The following CEP63 variants were observed in gnomAD, a reference collection of about 807,000 sequenced individuals.
The protein encoded by CEP63 is centrosomal protein of 63 kDa.
CEP63 carries 84 observed loss-of-function variants against 89.1 expected under a neutral mutation model. The observed-to-expected ratio is 0.94, with a 90% CI of 0.79 to 1.13. CEP63 has a LOEUF of 1.13. Among genes scored for constraint, CEP63 ranks in the 50% most tolerant of loss-of-function variants. The probability of loss-of-function intolerance (pLI) is 0.00; values close to 1 mark genes in which losing one functional copy is unlikely to be tolerated. For missense variants in CEP63, 838 were observed against 813.3 expected (o/e 1.03, Z -0.37); for synonymous variants, 267 against 272.5 (o/e 0.98, Z 0.20).
Position 134,547,390 on chromosome 3 carries a change from T to C in CEP63, c.985T>C (p.Leu329=). The change falls in exon 9 of 15, where the codon TTA becomes CTA. Residue 329 remains leucine, a synonymous_variant. Transcript: ENST00000675561. ...GTACACCTCTCAAGGGCAGGGGGAC[T>C]TAGACAGTGTGCTCTCCCAGTTGAA... ...KKYTSQGQGD[L]DSVLSQLNFT... The C allele has an allele frequency of 5.0e-6, 8 of 1,613,742 alleles. No homozygotes were observed. The highest frequency in any genetic ancestry group is 6.8e-6 in the Non-Finnish European group (8 of 1,179,696).
At chr3:134,688,986 G>C in the CEP63 span, among the ~76,000 whole-genome samples, 1 of 152,174 alleles carries the variant, frequency 6.6e-6, no homozygotes, top group African/African-American at 2.4e-5. Flanking sequence ...GATGAGCATT[G>C]AGCCATTGAT....
At chr3:134,526,541 A>C (rs550123403) in intron 3 of CEP63, among the ~76,000 whole-genome samples, 2 of 152,208 alleles carry the variant, frequency 1.3e-5, no homozygotes, top group African/African-American at 4.8e-5. Flanking sequence ...ACTGGGTTTC[A>C]GTATACTCCT....
the CEP63 span, among the ~76,000 whole-genome samples, chr3:134,696,986 G>A: frequency 6.6e-6 from 1 of 152,180 alleles, no homozygotes; most frequent in Non-Finnish European, 1.5e-5. Flanking sequence ...AACTATGAAC[G>A]TTGTTAAGTT....
At position 134,550,204 on chromosome 3, in the gene CEP63, G is replaced by A; in HGVS notation, c.1324G>A (p.Glu442Lys). ...ASTKGSSSDMEKRLRAEMQKA... is the reference protein window; with the variant it reads ...ASTKGSSSDMKKRLRAEMQKA... ...CACCAAAGGTTCTTCCTCAGACATGGAAAAGCGACTCAGAGCAGAGATGCA... is the reference window on the plus strand; with the variant it reads ...CACCAAAGGTTCTTCCTCAGACATGAAAAAGCGACTCAGAGCAGAGATGCA... The change falls in exon 11 of 15, where the codon GAA (glutamate) becomes AAA (lysine). Residue 442 changes from glutamate (E) to lysine (K), a missense_variant. Physicochemically the swap from Glu to Lys is moderately conservative, Grantham distance 56 (BLOSUM62 1). Transcript: ENST00000675561. The A allele has an allele frequency of 6.2e-7, 1 of 1,604,812 alleles. No homozygotes were observed. The highest frequency in any genetic ancestry group is 8.5e-7 in the Non-Finnish European group (1 of 1,175,174).
chr3:134,574,805 A>G, exon 12 of CEP63: 2 of 610,510 alleles, frequency 3.3e-6, no homozygotes, highest in Non-Finnish European at 6.0e-6. Flanking sequence ...ATGGGGTTTT[A>G]CCATGTTGTC....
intron 11 of CEP63, among the ~76,000 whole-genome samples, chr3:134,550,686 A>G (rs967455994): frequency 6.6e-6 from 1 of 152,196 alleles, no homozygotes; most frequent in African/African-American, 2.4e-5. Flanking sequence ...AGTGGAAGGT[A>G]TGAGACTGGA....
the CEP63 span, among the ~76,000 whole-genome samples, chr3:134,754,582 A>C: frequency 6.6e-6 from 1 of 152,132 alleles, no homozygotes; most frequent in African/African-American, 2.4e-5. Context: ...CTTCTCCAAG[A>C]GGTGCCTCAG....
chr3:134,619,079 C>T, the CEP63 span: 1 of 1,305,448 alleles, frequency 7.7e-7, no homozygotes, highest in Non-Finnish European at 1.1e-6. Context: ...TGGGCAAAGG[C>T]ACATGGCACT....
the CEP63 span, among the ~76,000 whole-genome samples, chr3:134,720,614 G>C: frequency 6.6e-6 from 1 of 152,020 alleles, no homozygotes; most frequent in South Asian, 2.1e-4. Flanking sequence ...TGATTTAAGT[G>C]ATCCATTTGA....
At chr3:134,613,032 T>C in the CEP63 span, 151,544 of 154,470 alleles carry the variant, frequency 0.98, 74,395 homozygotes, top group East Asian at 1. Context: ...CTGCCTAGAA[T>C]GTCTGTGCAT....
At chr3:134,512,522 C>T (rs926064739) in intron 3 of CEP63, among the ~76,000 whole-genome samples, 10 of 152,056 alleles carry the variant, frequency 6.6e-5, no homozygotes, top group Admixed American at 2.6e-4. Flanking sequence ...ATACTTGTCA[C>T]AGTAAATAAA....
At chr3:134,520,995 T>C (rs1029921494) in intron 3 of CEP63, among the ~76,000 whole-genome samples, 3 of 152,060 alleles carry the variant, frequency 2.0e-5, no homozygotes, top group African/African-American at 7.2e-5. Flanking sequence ...TGATAAAAGG[T>C]TACTAATTTA....
intron 3 of CEP63, among the ~76,000 whole-genome samples, chr3:134,529,281 A>G (rs1949365484): frequency 1.3e-5 from 2 of 152,070 alleles, no homozygotes; most frequent in South Asian, 4.1e-4. Context: ...GTTTATTTAT[A>G]AACATACAGA....
chr3:134,713,350 C>T, the CEP63 span, among the ~76,000 whole-genome samples: 2 of 152,054 alleles, frequency 1.3e-5, no homozygotes, highest in Admixed American at 6.5e-5. Context: ...CACCCAGTTC[C>T]AGCCAATGAC....
At chr3:134,614,186 A>C in the CEP63 span, among the ~76,000 whole-genome samples, 7 of 152,136 alleles carry the variant, frequency 4.6e-5, no homozygotes, top group Non-Finnish European at 5.9e-5. Context: ...TGCAGGCAGG[A>C]GCTGAGAGAG....
At chr3:134,762,963 A>G in the CEP63 span, among the ~76,000 whole-genome samples, 4 of 152,216 alleles carry the variant, frequency 2.6e-5, no homozygotes, top group Non-Finnish European at 5.9e-5. Flanking sequence ...AAAGCTCATC[A>G]TTCAACTTCT....
the CEP63 span, among the ~76,000 whole-genome samples, chr3:134,756,813 G>A: frequency 2.6e-5 from 4 of 152,200 alleles, no homozygotes. Context: ...CTGAAGAAGA[G>A]GAGACTCCAG....
chr3:134,720,998 G>A, the CEP63 span, among the ~76,000 whole-genome samples: 4 of 151,936 alleles, frequency 2.6e-5, no homozygotes, highest in Non-Finnish European at 5.9e-5. Context: ...TCTCATTTAT[G>A]CAAAAAAGGG....
chr3:134,771,965 A>G, the CEP63 span, among the ~76,000 whole-genome samples: 125 of 152,348 alleles, frequency 8.2e-4, no homozygotes, highest in Middle Eastern at 3.4e-3. Flanking sequence ...TCTTAAAGCC[A>G]TATATGTATT....
Sources: gnomAD v4.1 joint callset for allele counts (sites outside exome capture counted in the v4.1 genomes callset) on GRCh38, gnomAD v4.1.1 for gene constraint, MANE v1.5 for transcripts, NCBI Gene and HGNC (gene_info 2026-07-23, HGNC 2026-07-21) for gene names.